Variants in OAS3 observed in about 807,000 individuals in gnomAD.
OAS3 encodes the protein 2'-5'-oligoadenylate synthase 3.
A neutral mutation model predicts 113.0 loss-of-function variants in OAS3; 107 were observed. The observed-to-expected ratio is 0.95, with a 90% CI of 0.81 to 1.11. The LOEUF (loss-of-function observed/expected upper bound fraction) is 1.11, where lower values mean the gene tolerates loss of function less well. Ranked by LOEUF, OAS3 falls within the 50% of genes most tolerant of loss-of-function variation. The pLI is 0.00. For synonymous variants in OAS3, 552 were observed against 573.6 expected, an observed-to-expected ratio of 0.96 and a Z score of 0.54; for missense variants, 1,258 against 1,389.1, an observed-to-expected ratio of 0.91 and a Z score of 1.50.
In OAS3 at chr12:112,972,641, A is replaced by T. The variant is rs1175795736; in HGVS notation, c.*2668A>T. 6.6e-6 allele frequency: 1 copy of T among 152,238 alleles called. No homozygotes were observed. The highest frequency in any genetic ancestry group is 2.4e-5 in the African/African-American group (1 of 41,456). 9.4% of individuals were successfully genotyped at this position (152,238 alleles called of 1,614,324 possible). A position where few individuals can be genotyped will look rare whatever the true frequency, so the allele number is the denominator to read the frequency against. ...CATACTATGAAGCCTCTGATACTTA[A>T]ACAGCATGGCGCTGGTACGTAAATA... On this transcript the variant is annotated 3_prime_UTR_variant, in exon 16 of 16. Transcript: ENST00000228928.
chr12:112,944,380 T>C, intron 2 of OAS3, 96 bp from the exon 3 acceptor site: 1 of 1,338,104 alleles, frequency 7.5e-7, no homozygotes, highest in Non-Finnish European at 1.1e-6. Context: ...TTCTTCCCAC[T>C]CTCTCTCAGC....
chr12:112,970,269 C>A lies in OAS3; in HGVS notation c.*296C>A. 6.2e-6 allele frequency: 3 copies of A among 486,770 alleles called. No individual in the cohort carries two copies. The allele number at this position is 486,770 out of a possible 1,614,324, so 30.2% of individuals were successfully genotyped here. A position where few individuals can be genotyped will look rare whatever the true frequency, so the allele number is the denominator to read the frequency against. On this transcript the variant is annotated 3_prime_UTR_variant, in exon 16 of 16. Coordinates refer to ENST00000228928, the MANE Select transcript of OAS3 (RefSeq NM_006187.4). ...CCATGACTCTATCCTCATACCACCA[C>A]TGCTGCTTCCCACCCAGCTGAGAAT...
At chr12:112,941,964 C>G (rs772183509) in intron 2 of OAS3, 112 bp downstream of exon 2, 6 of 1,314,730 alleles carry the variant, frequency 4.6e-6, no homozygotes, top group Non-Finnish European at 6.6e-6. Flanking sequence ...GGGCCAGCCT[C>G]TACCCCTCTC....
rs2043952295 is a variant in OAS3 at position 112,968,047 on chromosome 12, G to A, written c.2977G>A (p.Glu993Lys). 1.2e-6 allele frequency: 2 copies of A among 1,613,922 alleles called. No individual in the cohort carries two copies. The highest frequency in any genetic ancestry group is 1.3e-5 in the African/African-American group (1 of 74,926). Reference sequence around the variant, plus strand: ...GAAGGACTCCCAGTTCAACATGGCTGAGGGCTTCCGCACGGTCCTGGAGCT... The same window carrying A: ...GAAGGACTCCCAGTTCAACATGGCTAAGGGCTTCCGCACGGTCCTGGAGCT... ...GGKDSQFNMA[E>K]GFRTVLELVT... Residue 993 changes from glutamate (E) to lysine (K), a missense_variant, in exon 14 of 16, where the codon GAG (glutamate) becomes AAG (lysine). Physicochemically the swap from Glu to Lys is moderately conservative, Grantham distance 56. Coordinates refer to ENST00000228928, the MANE Select transcript of OAS3 (RefSeq NM_006187.4).
chr12:112,959,455 GC>G (rs2043863325), intron 7 of OAS3, among the ~76,000 whole-genome samples: 1 of 152,130 alleles, frequency 6.6e-6, no homozygotes, highest in Admixed American at 6.5e-5. Context: ...GTAGACTGGA[GC>G]TGTTCCTATT....
chr12:112,959,157 T>C (rs1383758798), intron 7 of OAS3, among the ~76,000 whole-genome samples: 2 of 152,186 alleles, frequency 1.3e-5, no homozygotes, highest in African/African-American at 4.8e-5. Flanking sequence ...GTGCAGGATA[T>C]AATCTCCTGG....
rs2043983725 is a variant in OAS3, at chr12:112,971,486, T to G, written c.*1513T>G. ...GGGTGCCAAGTGCCAGGGGGCGGAGTCCCCAGCAGATGCATCCTGGCCATC... is the reference window on the plus strand; with the variant it reads ...GGGTGCCAAGTGCCAGGGGGCGGAGGCCCCAGCAGATGCATCCTGGCCATC... On this transcript the variant is annotated 3_prime_UTR_variant, in exon 16 of 16. Coordinates refer to ENST00000228928, the MANE Select transcript of OAS3 (RefSeq NM_006187.4). 1 of 151,450 alleles carries G rather than the reference T, an allele frequency of 6.6e-6. No individual in the cohort carries two copies. 9.4% of individuals were successfully genotyped at this position (151,450 alleles called of 1,614,324 possible). A position where few individuals can be genotyped will look rare whatever the true frequency, so the allele number is the denominator to read the frequency against.
chr12:112,939,346 G>T (rs1163362733), intron 1 of OAS3, among the ~76,000 whole-genome samples: 2 of 117,060 alleles, frequency 1.7e-5, no homozygotes, highest in Non-Finnish European at 3.2e-5. Flanking sequence ...TTGAGACAGG[G>T]TCTCGCTCTG....
Position 112,965,732 on chromosome 12 carries a change from T to C in OAS3, c.2404-12T>C, listed in dbSNP as rs1001559966. The C allele has an allele frequency of 6.2e-7, 1 of 1,602,294 alleles. No homozygotes were observed. Among genetic ancestry groups the C allele is most frequent in the Non-Finnish European group, 8.5e-7 (1 of 1,176,128 alleles). ...GCTTCAAGGGTTGAGCCACCTGCCA[T>C]GTCCTCTCCAGGGTGGCTCTTCAGC... On this transcript the variant is annotated splice_polypyrimidine_tract_variant and intron_variant, in intron 11 of 15. Coordinates refer to ENST00000228928, the MANE Select transcript of OAS3 (RefSeq NM_006187.4).
At chr12:112,956,237 A>G (rs1335793196) in intron 7 of OAS3, among the ~76,000 whole-genome samples, 2 of 151,724 alleles carry the variant, frequency 1.3e-5, no homozygotes, top group East Asian at 1.9e-4. Context: ...TTTCTTCTTT[A>G]CTAGTCTTGC....
In OAS3 at chr12:112,963,313, AC is replaced by A; in HGVS notation, c.2089del (p.Leu697TrpfsTer34). 1 of 1,568,874 alleles carries A rather than the reference AC, an allele frequency of 6.4e-7. No homozygotes were observed. On this transcript the variant is annotated frameshift_variant and splice_region_variant, in exon 10 of 16. Transcript: ENST00000228928. LOFTEE classifies it high-confidence loss of function. This position sits in a 1 kb window ranked among gnomAD's most constrained non-coding sequence, Gnocchi z 4.6. ...ACCCACCTTCCTGCTGTGCCCCCAG[AC>A]CCCTGGTCCTGGACCCCGCTGATCC... ...HLLGQLRKPR[P>X]LVLDPADPTW...
chr12:112,963,184 G>T lies in OAS3; in HGVS notation c.2085-129G>T. 2.5e-6 allele frequency: 3 copies of T among 1,202,468 alleles called. No homozygotes were observed. The highest frequency in any genetic ancestry group is 3.4e-6 in the Non-Finnish European group (3 of 883,338). The allele number at this position is 1,202,468 out of a possible 1,614,324, so 74.5% of individuals were successfully genotyped here. ...GCCAATTGAGATCGCTTCTGCACTTGGGCAAGACTGAGCCAACCCTGAGGT... is the reference window on the plus strand; with the variant it reads ...GCCAATTGAGATCGCTTCTGCACTTTGGCAAGACTGAGCCAACCCTGAGGT... On this transcript the variant is annotated intron_variant, in intron 9 of 15. Transcript: ENST00000228928. The surrounding 1 kb of genome is among the most constrained non-coding windows in gnomAD (Gnocchi z 4.6).
At position 112,946,757 on chromosome 12, in the gene OAS3, G is replaced by T; in HGVS notation, c.651G>T (p.Gly217=). Reference sequence around the variant, plus strand: ...CCCTCTCACAGGTGTGCCTACAGGGGTTGTGGAAGGAGACGCTGCCCCCGG... The same window carrying T: ...CCCTCTCACAGGTGTGCCTACAGGGTTTGTGGAAGGAGACGCTGCCCCCGG... ...KHWYHQVCLQ[G]LWKETLPPVY... Residue 217 remains glycine, a synonymous_variant, in exon 4 of 16, where the codon GGG becomes GGT. Coordinates refer to ENST00000228928, the MANE Select transcript of OAS3 (RefSeq NM_006187.4). 2 of 1,610,536 alleles carry T rather than the reference G, an allele frequency of 1.2e-6. No individual in the cohort carries two copies. Among genetic ancestry groups the T allele is most frequent in the Non-Finnish European group, 1.7e-6 (2 of 1,178,540 alleles).
In OAS3 at chr12:112,961,223, C is replaced by T. The variant is rs1335216113; in HGVS notation, c.1810C>T (p.Leu604=). 1.2e-6 allele frequency: 2 copies of T among 1,613,990 alleles called. No individual in the cohort carries two copies. The highest frequency in any genetic ancestry group is 2.2e-5 in the South Asian group (2 of 91,078). ...TGTCAAGCTGAAGAACCTGATTCTGCTGGTGAAGCACTGGTACCGCCAGGT... is the reference window on the plus strand; with the variant it reads ...TGTCAAGCTGAAGAACCTGATTCTGTTGGTGAAGCACTGGTACCGCCAGGT... ...RPVKLKNLIL[L]VKHWYRQVAA... Residue 604 remains leucine, a synonymous_variant, in exon 8 of 16, where the codon CTG becomes TTG. Coordinates refer to ENST00000228928, the MANE Select transcript of OAS3 (RefSeq NM_006187.4).
At chr12:112,949,561 A>G (rs1282198297) in intron 6 of OAS3, among the ~76,000 whole-genome samples, 1 of 152,116 alleles carries the variant, frequency 6.6e-6, no homozygotes, top group East Asian at 1.9e-4. Context: ...CCAGGTCCAC[A>G]GAACAATTCA....
rs759056685 is a variant in OAS3 at position 112,964,409 on chromosome 12, G to A, written c.2403+1G>A. 1.2e-6 allele frequency: 2 copies of A among 1,610,540 alleles called. No individual in the cohort carries two copies. The highest frequency in any genetic ancestry group is 1.7e-6 in the Non-Finnish European group (2 of 1,178,474). On this transcript the variant is annotated splice_donor_variant, in intron 11 of 15. Transcript: ENST00000228928. LOFTEE classifies it high-confidence loss of function. ...CATCAAAGTGATCAAGGTGGTCAAG[G>A]TGAGTCCTCAGAGAGCTGTAGGCAA...
At position 112,962,735 on chromosome 12, in the gene OAS3, C is replaced by G. The variant is rs1264581209; in HGVS notation, c.1917C>G (p.Ala639=). 1.9e-6 allele frequency: 3 copies of G among 1,613,870 alleles called. No individual in the cohort carries two copies. The highest frequency in any genetic ancestry group is 2.5e-6 in the Non-Finnish European group (3 of 1,179,892). The change falls in exon 9 of 16, where the codon GCC becomes GCG. Residue 639 remains alanine (A), a synonymous_variant. Coordinates refer to ENST00000228928, the MANE Select transcript of OAS3 (RefSeq NM_006187.4). ...AYALELLTIF[A]WEQGCRQDCF... ...CCCTGGAGCTCCTCACCATCTTTGC[C>G]TGGGAGCAGGGCTGCAGGCAGGATT...
chr12:112,953,151 C>T lies in OAS3; in HGVS notation c.1657+2176C>T, dbSNP rs374906141. 3.2e-3 allele frequency among the ~76,000 whole-genome samples: 482 copies of T among 151,128 alleles called. 1 individual carries two copies. Among genetic ancestry groups the T allele is most frequent in the African/African-American group, 0.011 (436 of 40,546 alleles). On this transcript the variant is annotated intron_variant, in intron 7 of 15. Transcript: ENST00000228928. ...ATCCCTCCCCACTCCCCCCACCCCACGACAGGCCCTGGTGTGTGATGTTCC... is the reference window on the plus strand; with the variant it reads ...ATCCCTCCCCACTCCCCCCACCCCATGACAGGCCCTGGTGTGTGATGTTCC...
chr12:112,948,099 G>T lies in OAS3; in HGVS notation c.1029G>T (p.Pro343=). Residue 343 remains proline (P), a splice_region_variant and synonymous_variant, in exon 5 of 16, where the codon CCG becomes CCT. Transcript: ENST00000228928. Reference sequence around the variant, plus strand: ...ACCCAGTGCAGTCTTGGAAGGGGCCGGTAAGTGAGGGGGCCCCAGGACCCT... The same window carrying T: ...ACCCAGTGCAGTCTTGGAAGGGGCCTGTAAGTGAGGGGGCCCCAGGACCCT... ...MGDPVQSWKG[P]GLPRAGCSGL... 1 of 1,521,092 alleles carries T rather than the reference G, an allele frequency of 6.6e-7. No homozygotes were observed. The highest frequency in any genetic ancestry group is 8.8e-7 in the Non-Finnish European group (1 of 1,136,192). The allele number at this position is 1,521,092 out of a possible 1,614,324, so 94.2% of individuals were successfully genotyped here.
Sources: gnomAD v4.1 joint callset for allele counts (sites outside exome capture counted in the v4.1 genomes callset) on GRCh38, gnomAD v4.1.1 for gene constraint, Gnocchi (gnomAD v3.1) non-coding constraint, MANE v1.5 for transcripts, NCBI Gene and HGNC (gene_info 2026-07-23, HGNC 2026-07-21) for gene names.